The following SETBP1 variants were observed in gnomAD, a reference collection of about 807,000 sequenced individuals.
SETBP1 encodes the protein SET-binding protein.
A neutral mutation model predicts 101.0 loss-of-function variants in SETBP1; 9 were observed. The observed-to-expected ratio is 0.09, with a 90% CI of 0.05 to 0.16. The LOEUF (loss-of-function observed/expected upper bound fraction) is 0.16, where lower values mean the gene tolerates loss of function less well. Ranked by LOEUF, SETBP1 falls within the 10% of genes least tolerant of loss-of-function variation. The pLI is 1.00. For synonymous variants in SETBP1, 818 were observed against 788.5 expected (o/e 1.04, Z -0.63); for missense variants, 1,858 against 2,033.8 (o/e 0.91, Z 1.66).
chr18:44,774,602 A>T (rs574495147), intron 2 of SETBP1, among the ~76,000 whole-genome samples: 1 of 152,280 alleles, frequency 6.6e-6, no homozygotes, highest in Admixed American at 6.5e-5. Context: ...CTGGCAGTAG[A>T]TGATTTGTGG....
chr18:44,897,233 C>T (rs1340727329), intron 3 of SETBP1, among the ~76,000 whole-genome samples: 1 of 152,162 alleles, frequency 6.6e-6, no homozygotes, highest in Non-Finnish European at 1.5e-5. Context: ...CAGTCTGTGG[C>T]CACATAACTC....
chr18:45,057,961 G>C (rs1386967987), intron 5 of SETBP1, among the ~76,000 whole-genome samples: 7 of 152,172 alleles, frequency 4.6e-5, no homozygotes. Flanking sequence ...TAAACGACTT[G>C]ACAAAATCAA....
intron 3 of SETBP1, among the ~76,000 whole-genome samples, chr18:44,930,102 T>C (rs1241633785): frequency 1.3e-5 from 2 of 152,360 alleles, no homozygotes; most frequent in Admixed American, 1.3e-4. Flanking sequence ...TATTTGGAGA[T>C]ACGTCCCACC....
chr18:44,737,556 A>G (rs1284000301), intron 2 of SETBP1, among the ~76,000 whole-genome samples: 2 of 152,240 alleles, frequency 1.3e-5, no homozygotes, highest in East Asian at 3.8e-4. Flanking sequence ...ACTAGATTTG[A>G]ATTTAGAAGA....
At chr18:45,034,372 G>A (rs1049380701) in intron 4 of SETBP1, among the ~76,000 whole-genome samples, 1 of 152,198 alleles carries the variant, frequency 6.6e-6, no homozygotes, top group African/African-American at 2.4e-5. Context: ...GCAACAGGAA[G>A]TCAGCTTCTG....
At chr18:44,733,491 C>T (rs773207750) in intron 2 of SETBP1, among the ~76,000 whole-genome samples, 2 of 152,216 alleles carry the variant, frequency 1.3e-5, no homozygotes, top group South Asian at 2.1e-4. Flanking sequence ...TGCTTGTGCA[C>T]ACTGTGGAGT....
At chr18:44,703,763 C>T (rs528047815) in intron 2 of SETBP1, among the ~76,000 whole-genome samples, 1 of 152,256 alleles carries the variant, frequency 6.6e-6, no homozygotes, top group South Asian at 2.1e-4. Flanking sequence ...TTTCTGGATA[C>T]TCTGTCGTGA....
chr18:44,733,968 A>G (rs2069901505), intron 2 of SETBP1, among the ~76,000 whole-genome samples: 1 of 152,186 alleles, frequency 6.6e-6, no homozygotes, highest in African/African-American at 2.4e-5. Flanking sequence ...TGCCCGGTCC[A>G]AAAGTTCCCT....
At chr18:44,997,499 A>G (rs2072523259) in intron 4 of SETBP1, among the ~76,000 whole-genome samples, 1 of 152,210 alleles carries the variant, frequency 6.6e-6, no homozygotes, top group African/African-American at 2.4e-5. Flanking sequence ...AAGACAAAAC[A>G]GTTTCCCCTT....
At chr18:44,894,201 C>T (rs1425176822) in intron 3 of SETBP1, among the ~76,000 whole-genome samples, 2 of 152,142 alleles carry the variant, frequency 1.3e-5, no homozygotes, top group Non-Finnish European at 2.9e-5. Context: ...CCAAGTTGTT[C>T]GCCAGAACCA....
At chr18:45,026,648 T>G (rs2073170513) in intron 4 of SETBP1, among the ~76,000 whole-genome samples, 1 of 152,212 alleles carries the variant, frequency 6.6e-6, no homozygotes, top group African/African-American at 2.4e-5. Context: ...GCATTGGTTT[T>G]TTTCCTTGTT....
chr18:44,995,220 C>A (rs2072466576), intron 4 of SETBP1, among the ~76,000 whole-genome samples: 1 of 144,380 alleles, frequency 6.9e-6, no homozygotes, highest in African/African-American at 2.6e-5. Context: ...TGGCTCACTG[C>A]AAGCTCCGCC....
intron 2 of SETBP1, among the ~76,000 whole-genome samples, chr18:44,813,859 A>G (rs761180118): frequency 2.6e-5 from 4 of 152,164 alleles, no homozygotes; most frequent in Non-Finnish European, 5.9e-5. Context: ...GGGAACACTG[A>G]TGGGTTTTTT....
intron 1 of SETBP1, among the ~76,000 whole-genome samples, chr18:44,693,395 T>C (rs2068965748): frequency 6.6e-6 from 1 of 152,090 alleles, no homozygotes; most frequent in Non-Finnish European, 1.5e-5. Flanking sequence ...AAATATTTAA[T>C]TATATAATTA....
chr18:44,730,194 C>T (rs1568113551), intron 2 of SETBP1, among the ~76,000 whole-genome samples: 1 of 152,296 alleles, frequency 6.6e-6, no homozygotes, highest in East Asian at 1.9e-4. Context: ...GTGCATTTTA[C>T]TATGGAGTAT....
At chr18:44,805,448 G>C (rs62090595) in intron 2 of SETBP1, among the ~76,000 whole-genome samples, 4,711 of 151,708 alleles carry the variant, frequency 0.031, 106 homozygotes, top group South Asian at 0.08. Context: ...GTGTTTGTAC[G>C]TGTACTTCTC....
At chr18:45,052,866 C>T (rs1294808269) in intron 5 of SETBP1, among the ~76,000 whole-genome samples, 2 of 152,150 alleles carry the variant, frequency 1.3e-5, no homozygotes, top group Non-Finnish European at 2.9e-5. Flanking sequence ...TTAGAGTATT[C>T]GAGCCCTTTG....
At chr18:44,975,288 G>T (rs751863172) in intron 4 of SETBP1, among the ~76,000 whole-genome samples, 69 of 152,324 alleles carry the variant, frequency 4.5e-4, no homozygotes, top group South Asian at 1.0e-3. Flanking sequence ...TACTTGTGGG[G>T]AACATTCATT....
chr18:44,794,093 T>C (rs1167194900), intron 2 of SETBP1, among the ~76,000 whole-genome samples: 1 of 152,070 alleles, frequency 6.6e-6, no homozygotes, highest in African/African-American at 2.4e-5. Context: ...GTAAAGATAA[T>C]AACAGCCTGC....
Sources: allele counts gnomAD v4.1 joint callset (sites outside exome capture counted in the v4.1 genomes callset), GRCh38; gene constraint gnomAD v4.1.1; transcripts MANE v1.5; gene names NCBI Gene and HGNC (gene_info 2026-07-23, HGNC 2026-07-21).